The following TMTC4 variants were observed in gnomAD, a reference collection of about 807,000 sequenced individuals.
The protein encoded by TMTC4 is protein O-mannosyl-transferase TMTC4.
TMTC4 carries 65 observed loss-of-function variants against 86.0 expected under a neutral mutation model. The ratio of observed to expected loss-of-function variants is 0.76; its 90% CI spans 0.62 to 0.93. TMTC4 has a LOEUF of 0.93. Ranked by LOEUF, TMTC4 falls within the 40% of genes least tolerant of loss-of-function variation. The pLI is 0.00. For missense variants in TMTC4, 866 were observed against 948.1 expected (o/e 0.91, Z 1.14); for synonymous variants, 379 against 382.5 (o/e 0.99, Z 0.11).
At chr13:100,608,886 G>A (rs941330063) in intron 17 of TMTC4, among the ~76,000 whole-genome samples, 34 of 152,286 alleles carry the variant, frequency 2.2e-4, no homozygotes, top group African/African-American at 5.1e-4. Context: ...CAAAGGTGTA[G>A]GACTGAGAAA....
chr13:100,634,013 G>A (rs960644185), intron 12 of TMTC4, among the ~76,000 whole-genome samples: 23 of 152,074 alleles, frequency 1.5e-4, no homozygotes, highest in African/African-American at 5.1e-4. Context: ...GGTAGCAAGC[G>A]CCTGTAATCT....
intron 5 of TMTC4, 74 bp from the exon 6 acceptor site, chr13:100,656,542 C>CTTTTTATTTTTTTTT (rs1885136388): frequency 2.9e-6 from 1 of 350,206 alleles, no homozygotes; most frequent in Non-Finnish European, 4.6e-6. Context: ...GGAGACATAA[C>CTTTTTATTTTTTTTT]TTTTTTTTTT....
Position 100,626,199 on chromosome 13 carries a change from G to A in TMTC4, c.1507-49C>T, listed in dbSNP as rs777235993. On this transcript the variant is annotated intron_variant, in intron 12 of 18. Transcript: ENST00000342624. ...CATCAGCAGACAGACTTCTTGTTCA[G>A]AGCCTGGACCCCATCACATCTTCTA... 4.5e-6 allele frequency: 7 copies of A among 1,568,634 alleles called. No individual in the cohort carries two copies. The African/African-American group carries it at 9.5e-5, about 21-fold the overall frequency.
chr13:100,668,279 C>A, intron 3 of TMTC4: 1 of 269,752 alleles, frequency 3.7e-6, no homozygotes, highest in Non-Finnish European at 7.0e-6. Flanking sequence ...AAGTCTGCAA[C>A]ACCCTGCAAT....
chr13:100,628,497 T>C (rs1356219614), intron 12 of TMTC4, among the ~76,000 whole-genome samples: 1 of 152,200 alleles, frequency 6.6e-6, no homozygotes, highest in East Asian at 1.9e-4. Flanking sequence ...TCGGTCCTTT[T>C]GGATATTTGC....
At chr13:100,632,053 A>ACACACACACACACACACACACTCTCT (rs1296569630) in intron 12 of TMTC4, among the ~76,000 whole-genome samples, 6 of 43,146 alleles carry the variant, frequency 1.4e-4, no homozygotes, top group African/African-American at 5.1e-4. Context: ...ACACACACAC[A>ACACACACACACACACACACACTCTCT]CTCTCTCTCT....
intron 3 of TMTC4, chr13:100,666,105 G>A (rs1368884881): frequency 2.2e-6 from 1 of 453,164 alleles, no homozygotes; most frequent in African/African-American, 2.0e-5. Flanking sequence ...ACAGCAGGGT[G>A]TGCTACAGAA....
At chr13:100,612,616 G>T in intron 16 of TMTC4, 106 bp from the exon 17 acceptor site, 128 of 625,508 alleles carry the variant, frequency 2.0e-4, no homozygotes, top group East Asian at 4.8e-4. Flanking sequence ...TGACAATTAT[G>T]AATAAACTAC....
intron 3 of TMTC4, among the ~76,000 whole-genome samples, chr13:100,667,656 A>G (rs1357505585): frequency 6.6e-6 from 1 of 152,196 alleles, no homozygotes; most frequent in East Asian, 1.9e-4. Flanking sequence ...CATTTTTAAG[A>G]GCATTCAACA....
Position 100,634,890 on chromosome 13 carries a change from A to C in TMTC4, c.1421T>G (p.Leu474Arg). ...VVLGILFINT[L>R]RCVLRSGEWR... Reference sequence around the variant, plus strand: ...CTCGCCGCTGCGCAGCACACATCTCAGCGTGTTGATGAATAAGATTCCCAG... The same window carrying C: ...CTCGCCGCTGCGCAGCACACATCTCCGCGTGTTGATGAATAAGATTCCCAG... Residue 474 changes from leucine (L) to arginine (R), a missense_variant, in exon 12 of 19, where the codon CTG becomes CGG. Physicochemically the swap from Leu to Arg is moderately radical, Grantham distance 102. Transcript: ENST00000342624. 6.2e-7 allele frequency: 1 copy of C among 1,614,186 alleles called. No individual in the cohort carries two copies. Among genetic ancestry groups the C allele is most frequent in the Middle Eastern group, 1.6e-4 (1 of 6,062 alleles).
At chr13:100,623,274 C>T (rs1400861817) in intron 15 of TMTC4, among the ~76,000 whole-genome samples, 2 of 152,184 alleles carry the variant, frequency 1.3e-5, no homozygotes, top group East Asian at 3.9e-4. Flanking sequence ...ACTCTGTTGC[C>T]CAGGCTGGAG....
chr13:100,625,899 G>A lies in TMTC4; in HGVS notation c.1587-7C>T. Reference sequence around the variant, plus strand: ...AACATACTTGGGATTTAATCTGAAAGTTGAGAAAAAACCAAGCTGACCATT... The same window carrying A: ...AACATACTTGGGATTTAATCTGAAAATTGAGAAAAAACCAAGCTGACCATT... On this transcript the variant is annotated splice_polypyrimidine_tract_variant and splice_region_variant and intron_variant, in intron 13 of 18. Transcript: ENST00000342624. 6.2e-7 allele frequency: 1 copy of A among 1,610,136 alleles called. No homozygotes were observed. Among genetic ancestry groups the A allele is most frequent in the Non-Finnish European group, 8.5e-7 (1 of 1,179,026 alleles).
chr13:100,673,063 C>T lies in TMTC4; in HGVS notation c.-208+1681G>A, dbSNP rs79155276. Among the ~76,000 whole-genome samples the T allele has an allele frequency of 4.2e-3, 639 of 152,304 alleles. 7 individuals are homozygous for T. Among genetic ancestry groups the T allele is most frequent in the African/African-American group, 0.015 (621 of 41,556 alleles). ...CGCTACCTGACTCCTGCGACAGAATCAACTGGCCCCTCAACAGGGGCTGAA... is the reference window on the plus strand; with the variant it reads ...CGCTACCTGACTCCTGCGACAGAATTAACTGGCCCCTCAACAGGGGCTGAA... On this transcript the variant is annotated intron_variant, in intron 1 of 18. Transcript: ENST00000342624.
In TMTC4 at chr13:100,636,591, C is replaced by A. The variant is rs745650322; in HGVS notation, c.1143G>T (p.Trp381Cys). The A allele has an allele frequency of 1.2e-6, 2 of 1,614,228 alleles. No individual in the cohort carries two copies. The highest frequency in any genetic ancestry group is 1.7e-6 in the Non-Finnish European group (2 of 1,180,036). The change falls in exon 10 of 19, where the codon TGG (tryptophan) becomes TGT (cysteine). Residue 381 changes from tryptophan (W) to cysteine (C), a missense_variant. Trp to Cys is a radical substitution (Grantham distance 215). Coordinates refer to ENST00000342624, the MANE Select transcript of TMTC4 (RefSeq NM_032813.5). ...GGCATATCAGGCCAATTAGGCAGAA[C>A]CAGAGTGCTGCAAGTGCAATTACCC... ...DWRVIALAAL[W>C]FCLIGLICQA... is the part of the protein sequence containing the mutation.
At chr13:100,671,278 G>C (rs1887066719) in intron 1 of TMTC4, among the ~76,000 whole-genome samples, 1 of 152,136 alleles carries the variant, frequency 6.6e-6, no homozygotes, top group Non-Finnish European at 1.5e-5. Flanking sequence ...GACTATAGGA[G>C]TGTGCCACTG....
chr13:100,614,340 T>C lies in TMTC4; in HGVS notation c.1927A>G (p.Met643Val). ...KPEHSLAWNN[M>V]IILLDNTGNL... ...CCTGTATTGTCGAGGAGTATAATCA[T>C]GTTGTTCCAGGCCAGGCTGTGCTCT... Residue 643 changes from methionine to valine, a missense_variant, in exon 16 of 19, where the codon ATG becomes GTG. Coordinates refer to ENST00000342624, the MANE Select transcript of TMTC4 (RefSeq NM_032813.5). The C allele has an allele frequency of 6.2e-7, 1 of 1,613,930 alleles. No individual in the cohort carries two copies. Among genetic ancestry groups the C allele is most frequent in the Non-Finnish European group, 8.5e-7 (1 of 1,179,966 alleles).
chr13:100,630,994 T>C (rs1881280202), intron 12 of TMTC4, among the ~76,000 whole-genome samples: 1 of 152,200 alleles, frequency 6.6e-6, no homozygotes, highest in African/African-American at 2.4e-5. Flanking sequence ...GAATAAAAAA[T>C]AGCTGCCTAG....
In TMTC4 at chr13:100,626,068, T is replaced by C; in HGVS notation, c.1586+3A>G. ...ATTCTTCTGTAAGACATACTCGCCA[T>C]ACCTTACAGCTTCCCGGTAGTATCT... is the stretch of plus-strand genomic sequence containing the variant. On this transcript the variant is annotated splice_donor_region_variant and intron_variant, in intron 13 of 18. Coordinates refer to ENST00000342624, the MANE Select transcript of TMTC4 (RefSeq NM_032813.5). 1 of 1,614,250 alleles carries C rather than the reference T, an allele frequency of 6.2e-7. No individual in the cohort carries two copies. Among genetic ancestry groups the C allele is most frequent in the Non-Finnish European group, 8.5e-7 (1 of 1,180,038 alleles).
At chr13:100,656,640 C>A (rs1011025888) in intron 5 of TMTC4, among the ~76,000 whole-genome samples, 172 bp from the exon 6 acceptor site, 3 of 147,484 alleles carry the variant, frequency 2.0e-5, no homozygotes, top group Non-Finnish European at 1.5e-5. Flanking sequence ...CCCCCCTGGG[C>A]TCAAGCAATT....
Sources: allele counts gnomAD v4.1 joint callset (sites outside exome capture counted in the v4.1 genomes callset), GRCh38; gene constraint gnomAD v4.1.1; transcripts MANE v1.5; gene names NCBI Gene and HGNC (gene_info 2026-07-23, HGNC 2026-07-21).